The following RTN4 variants were observed in gnomAD, a reference collection of about 807,000 sequenced individuals.
The protein encoded by RTN4 is reticulon 4.
RTN4 carries 32 observed loss-of-function variants against 90.4 expected under a neutral mutation model. That is an observed-to-expected ratio of 0.35 (90% CI 0.27 to 0.48). RTN4 has a LOEUF of 0.48. Among genes scored for constraint, RTN4 ranks in the 20% least tolerant of loss-of-function variants. The pLI is 0.99. For missense variants in RTN4, 1,706 were observed against 1,430.2 expected, an observed-to-expected ratio of 1.19 and a Z score of -3.11; for synonymous variants, 629 against 552.5, an observed-to-expected ratio of 1.14 and a Z score of -1.94.
chr2:55,038,571 G>A (rs1445321947), intron 1 of RTN4, among the ~76,000 whole-genome samples: 1 of 152,126 alleles, frequency 6.6e-6, no homozygotes, highest in Non-Finnish European at 1.5e-5. Flanking sequence ...CCACAATGAG[G>A]AACCACTACA....
chr2:54,993,126 G>A (rs1278385273), intron 3 of RTN4, among the ~76,000 whole-genome samples: 1 of 150,750 alleles, frequency 6.6e-6, no homozygotes, highest in East Asian at 1.9e-4. Context: ...TATGAAGTCT[G>A]AAAGTATATC....
chr2:55,096,450 T>TC (rs1669036333), intron 1 of RTN4, among the ~76,000 whole-genome samples: 1 of 152,106 alleles, frequency 6.6e-6, no homozygotes, highest in Non-Finnish European at 1.5e-5. Flanking sequence ...AATCTATCAT[T>TC]CATCAGGCCT....
intron 3 of RTN4, among the ~76,000 whole-genome samples, chr2:54,990,729 G>C (rs1000667844): frequency 1.3e-5 from 2 of 152,004 alleles, no homozygotes; most frequent in African/African-American, 2.4e-5. Context: ...TATAGGGTAA[G>C]TAAAAGCTAA....
chr2:55,096,642 G>A (rs572798509), intron 1 of RTN4, among the ~76,000 whole-genome samples: 1 of 152,166 alleles, frequency 6.6e-6, no homozygotes, highest in Non-Finnish European at 1.5e-5. Flanking sequence ...GTCTTAGTTG[G>A]AAGTTAAGGT....
chr2:54,978,542 G>C (rs1419057615), intron 5 of RTN4, among the ~76,000 whole-genome samples: 2 of 151,672 alleles, frequency 1.3e-5, no homozygotes, highest in East Asian at 3.9e-4. Flanking sequence ...AAGACAATGA[G>C]TTATAGAGAT....
At chr2:55,032,037 A>C (rs1682352503) in intron 1 of RTN4, among the ~76,000 whole-genome samples, 1 of 152,208 alleles carries the variant, frequency 6.6e-6, no homozygotes, top group African/African-American at 2.4e-5. Context: ...CATAAATAAG[A>C]AAGAATAGCA....
rs201861006 is a variant in RTN4 at position 55,010,333 on chromosome 2, C to A, written c.3013+14753G>T. The A allele has an allele frequency of 2.2e-6, 3 of 1,378,148 alleles. No individual in the cohort carries two copies. The African/African-American group carries it at 4.3e-5, about 20-fold the overall frequency. 85.4% of individuals were successfully genotyped at this position (1,378,148 alleles called of 1,614,324 possible). ...TGACGCAGTGCAATCTGTAACTAGG[C>A]TACTAATACTCCAGCATTAATGCTT... On this transcript the variant is annotated intron_variant, in intron 3 of 8. Transcript: ENST00000337526.
chr2:55,065,714 G>A (rs1008051833), intron 2 of RTN4, among the ~76,000 whole-genome samples: 1 of 151,404 alleles, frequency 6.6e-6, no homozygotes, highest in Admixed American at 6.6e-5. Flanking sequence ...TTTATATGAA[G>A]TTTAAAAACA....
chr2:55,077,256 T>C (rs1371185507), intron 2 of RTN4, among the ~76,000 whole-genome samples: 1 of 151,974 alleles, frequency 6.6e-6, no homozygotes, highest in Non-Finnish European at 1.5e-5. Flanking sequence ...CTCGTGATCC[T>C]CCTGCCTCGG....
upstream of RTN4, among the ~76,000 whole-genome samples, chr2:55,052,074 A>T (rs1200932958): frequency 2.0e-5 from 3 of 152,214 alleles, no homozygotes; most frequent in Non-Finnish European, 4.4e-5. Flanking sequence ...AGGGATAAAT[A>T]GGTGGAACAC....
At chr2:55,067,175 C>A (rs1050151086) in intron 2 of RTN4, among the ~76,000 whole-genome samples, 1 of 152,140 alleles carries the variant, frequency 6.6e-6, no homozygotes, top group Non-Finnish European at 1.5e-5. Context: ...CACTGGCTCT[C>A]TGACGTAAAA....
At chr2:54,980,812 G>A (rs1050028415) in intron 5 of RTN4, among the ~76,000 whole-genome samples, 1 of 152,058 alleles carries the variant, frequency 6.6e-6, no homozygotes, top group Non-Finnish European at 1.5e-5. Context: ...CATCTTAAGC[G>A]GCATCAGTAC....
chr2:54,974,088 T>C (rs1677395901), intron 6 of RTN4: 1 of 473,200 alleles, frequency 2.1e-6, no homozygotes, highest in South Asian at 2.6e-5. Flanking sequence ...GAACCATTTC[T>C]AGCTTCAAAT....
At chr2:55,030,821 G>C (rs889477071) in intron 1 of RTN4, among the ~76,000 whole-genome samples, 1 of 152,166 alleles carries the variant, frequency 6.6e-6, no homozygotes, top group Non-Finnish European at 1.5e-5. Context: ...CCTTCTTACT[G>C]TATCAGCCCC....
At chr2:55,041,721 G>A (rs1007730748) in intron 1 of RTN4, among the ~76,000 whole-genome samples, 1 of 151,920 alleles carries the variant, frequency 6.6e-6, no homozygotes, top group African/African-American at 2.4e-5. Flanking sequence ...ATAATTAAAT[G>A]TTAAAATGAA....
At chr2:55,107,933 C>T (rs780268536) in intron 1 of RTN4, among the ~76,000 whole-genome samples, 3 of 151,984 alleles carry the variant, frequency 2.0e-5, no homozygotes, top group African/African-American at 7.3e-5. Flanking sequence ...TTAAAACACA[C>T]GTTTCCCATC....
At position 55,050,345 on chromosome 2, in the gene RTN4, G is replaced by T. The variant is rs767782967; in HGVS notation, c.-45C>A. 7.7e-7 allele frequency: 1 copy of T among 1,296,484 alleles called. No individual in the cohort carries two copies. Among genetic ancestry groups the T allele is most frequent in the Non-Finnish European group, 1.0e-6 (1 of 998,628 alleles). 80.3% of individuals were successfully genotyped at this position (1,296,484 alleles called of 1,614,324 possible). ...TGCTGCAGCTGCTGCCGCCGCCGCCGGGGCCGCGTCTCAGAGCCGCGGGCG... is the reference window on the plus strand; with the variant it reads ...TGCTGCAGCTGCTGCCGCCGCCGCCTGGGCCGCGTCTCAGAGCCGCGGGCG... On this transcript the variant is annotated 5_prime_UTR_variant, in exon 1 of 9. Coordinates refer to ENST00000337526, the MANE Select transcript of RTN4 (RefSeq NM_020532.5). This position sits in a 1 kb window ranked among gnomAD's most constrained non-coding sequence, Gnocchi z 4.6.
At chr2:55,124,431 A>G in the RTN4 span, among the ~76,000 whole-genome samples, 2 of 152,234 alleles carry the variant, frequency 1.3e-5, no homozygotes, top group African/African-American at 4.8e-5. Context: ...CCTTCAAACC[A>G]AGAGCCAAAT....
chr2:55,029,362 T>C (rs1310060832), intron 1 of RTN4, among the ~76,000 whole-genome samples: 1 of 152,184 alleles, frequency 6.6e-6, no homozygotes, highest in African/African-American at 2.4e-5. Flanking sequence ...ATATTAACTT[T>C]GTACAATGTC....
Sources: gnomAD v4.1 joint callset for allele counts (sites outside exome capture counted in the v4.1 genomes callset) on GRCh38, gnomAD v4.1.1 for gene constraint, Gnocchi (gnomAD v3.1) non-coding constraint, MANE v1.5 for transcripts, NCBI Gene and HGNC (gene_info 2026-07-23, HGNC 2026-07-21) for gene names.